The following ZNF420 variants were observed in gnomAD, a reference collection of about 807,000 sequenced individuals.
ZNF420 encodes the protein zinc finger protein 420.
ZNF420 carries 31 observed loss-of-function variants against 44.7 expected under a neutral mutation model. The ratio of observed to expected loss-of-function variants is 0.69; its 90% CI spans 0.52 to 0.94. ZNF420 has a LOEUF of 0.94. Among genes scored for constraint, ZNF420 ranks in the 40% least tolerant of loss-of-function variants. The pLI, the probability that ZNF420 is intolerant of heterozygous loss-of-function variation, is 0.00. For missense variants in ZNF420, 681 were observed against 827.9 expected (o/e 0.82, Z 2.18); for synonymous variants, 245 against 267.4 (o/e 0.92, Z 0.82).
chr19:37,049,408 C>G (rs1434539308), intron 1 of ZNF420, among the ~76,000 whole-genome samples: 3 of 152,200 alleles, frequency 2.0e-5, no homozygotes, highest in Admixed American at 6.5e-5. Context: ...GACCGCCATT[C>G]TAACTGGTGT....
chr19:37,112,942 A>G (rs544705499), intron 4 of ZNF420, among the ~76,000 whole-genome samples: 1 of 151,232 alleles, frequency 6.6e-6, no homozygotes, highest in South Asian at 2.1e-4. Context: ...GACTGCTTGT[A>G]TAGTACACAA....
intron 4 of ZNF420, chr19:37,109,918 A>G (rs191972206): frequency 6.6e-6 from 1 of 152,154 alleles, no homozygotes; most frequent in Non-Finnish European, 1.5e-5. Flanking sequence ...GAGGAGTGGT[A>G]CACTCCTTAC....
intron 1 of ZNF420, among the ~76,000 whole-genome samples, chr19:37,023,902 T>C (rs2074667017): frequency 1.3e-5 from 2 of 152,150 alleles, no homozygotes; most frequent in Admixed American, 1.3e-4. Context: ...CATATATACA[T>C]ATACATATAT....
At chr19:37,083,401 C>T (rs1216710276) in intron 2 of ZNF420, among the ~76,000 whole-genome samples, 1 of 151,966 alleles carries the variant, frequency 6.6e-6, no homozygotes, top group African/African-American at 2.4e-5. Context: ...GTCTTGGTTA[C>T]CTGAAGAATA....
chr19:37,011,013 A>G (rs1031514490), intron 1 of ZNF420, among the ~76,000 whole-genome samples: 41 of 152,166 alleles, frequency 2.7e-4, no homozygotes, highest in African/African-American at 9.9e-4. Flanking sequence ...CTCTCTGGAC[A>G]AGTCACCTGT....
chr19:37,060,036 G>A (rs1275659304), intron 1 of ZNF420, among the ~76,000 whole-genome samples: 4 of 152,046 alleles, frequency 2.6e-5, no homozygotes, highest in Admixed American at 2.0e-4. Flanking sequence ...CCTGGGTCAC[G>A]TGGCTGGTTG....
intron 1 of ZNF420, among the ~76,000 whole-genome samples, chr19:37,037,716 C>T (rs1967384076): frequency 6.6e-6 from 1 of 152,170 alleles, no homozygotes; most frequent in African/African-American, 2.4e-5. Flanking sequence ...CAATAGCATG[C>T]CTCAATAGCA....
At chr19:37,038,882 C>T (rs1381914968) in intron 1 of ZNF420, among the ~76,000 whole-genome samples, 2 of 151,778 alleles carry the variant, frequency 1.3e-5, no homozygotes, top group African/African-American at 4.8e-5. Flanking sequence ...GCTCCTCGGG[C>T]GTCTGAGGCA....
chr19:37,055,530 G>C (rs1324035418), intron 1 of ZNF420, among the ~76,000 whole-genome samples: 1 of 152,214 alleles, frequency 6.6e-6, no homozygotes. Context: ...TGCCACAGGA[G>C]CCCCCGTCCA....
At chr19:37,057,485 TC>T (rs1967780808) in intron 1 of ZNF420, among the ~76,000 whole-genome samples, 2 of 107,068 alleles carry the variant, frequency 1.9e-5, no homozygotes, top group Non-Finnish European at 4.0e-5. Flanking sequence ...TCACTCTCTG[TC>T]TGTTTCTCTC....
Position 37,130,300 on chromosome 19 carries a change from T to G in ZNF420, c.*1242T>G. On this transcript the variant is annotated 3_prime_UTR_variant, in exon 5 of 5. Coordinates refer to ENST00000337995, the MANE Select transcript of ZNF420 (RefSeq NM_144689.5). ...GCCTCCTGTTTCTCTTTAAATAAAA[T>G]TAAACATCTTATTTGTTGATGCTAT... The G allele has an allele frequency of 2.1e-6, 3 of 1,410,980 alleles. No individual in the cohort carries two copies. The highest frequency in any genetic ancestry group is 2.9e-5 in the African/African-American group (2 of 68,156). The allele number at this position is 1,410,980 out of a possible 1,614,324, so 87.4% of individuals were successfully genotyped here.
In ZNF420 at chr19:37,128,726, C is replaced by T. The variant is rs780951893; in HGVS notation, c.1735C>T (p.Arg579Ter). 3.1e-6 allele frequency: 5 copies of T among 1,606,964 alleles called. No homozygotes were observed. The highest frequency in any genetic ancestry group is 2.2e-5 in the East Asian group (1 of 44,554). ...TGGTTCACAGTTGACTCAACATCAGCGAATTCACACTGGAGAAAAACCCTA... is the reference window on the plus strand; with the variant it reads ...TGGTTCACAGTTGACTCAACATCAGTGAATTCACACTGGAGAAAAACCCTA... ...IRGSQLTQHQRIHTGEKPYEC... is the reference protein window; with the variant it reads ...IRGSQLTQHQ The change falls in exon 5 of 5, where the codon CGA becomes TGA. Residue 579 changes from arginine to a stop codon, truncating the protein, a stop_gained. Coordinates refer to ENST00000337995, the MANE Select transcript of ZNF420 (RefSeq NM_144689.5). LOFTEE classifies it high-confidence loss of function.
intron 1 of ZNF420, among the ~76,000 whole-genome samples, chr19:37,045,661 T>C (rs1447514949): frequency 6.6e-6 from 1 of 152,192 alleles, no homozygotes; most frequent in East Asian, 1.9e-4. Context: ...AAAGAAAAGA[T>C]CATTATAATG....
At chr19:37,092,845 A>G (rs997607309) in intron 4 of ZNF420, among the ~76,000 whole-genome samples, 10 of 152,212 alleles carry the variant, frequency 6.6e-5, no homozygotes, top group African/African-American at 2.4e-4. Flanking sequence ...GATATTCACA[A>G]TAGCCAAAAA....
At chr19:37,060,088 T>TCCACCACCTC (rs1967848653) in intron 1 of ZNF420, among the ~76,000 whole-genome samples, 1 of 152,142 alleles carries the variant, frequency 6.6e-6, no homozygotes, top group African/African-American at 2.4e-5. Flanking sequence ...TTTGAAGGCC[T>TCCACCACCTC]CCACCACCTC....
In ZNF420 at chr19:37,128,624, C is replaced by T. The variant is rs1213743372; in HGVS notation, c.1633C>T (p.Leu545=). 1.9e-6 allele frequency: 3 copies of T among 1,613,940 alleles called. No individual in the cohort carries two copies. In the Admixed American group the frequency reaches 5.0e-5, roughly 27 times the overall value. ...TGGAAAGGCCTTTGCGCGTGGCTTA[C>T]TACTTATACAACATCAGAGAATTCA... ...ECGKAFARGL[L]LIQHQRIHTG... Residue 545 remains leucine (L), a synonymous_variant, in exon 5 of 5, where the codon CTA becomes TTA. Transcript: ENST00000337995.
intron 4 of ZNF420, among the ~76,000 whole-genome samples, chr19:37,096,470 ATTTG>A (rs1191620273): frequency 6.6e-6 from 1 of 152,036 alleles, no homozygotes; most frequent in Non-Finnish European, 1.5e-5. Context: ...GGTTTGCTGG[ATTTG>A]TTTTTCTTTC....
At chr19:37,076,528 C>T (rs1968158202), upstream of ZNF420, among the ~76,000 whole-genome samples, 1 of 152,160 alleles carries the variant, frequency 6.6e-6, no homozygotes, top group South Asian at 2.1e-4. Context: ...TCCCCCTACC[C>T]CCACTCCCTG....
chr19:37,030,168 TTGTTGTTG>T (rs1967231547), intron 1 of ZNF420, among the ~76,000 whole-genome samples: 5 of 152,100 alleles, frequency 3.3e-5, no homozygotes, highest in Non-Finnish European at 7.4e-5. Flanking sequence ...GTTGTTGTTG[TTGTTGTTG>T]TTTGAGAGGG....
Sources: allele counts gnomAD v4.1 joint callset (sites outside exome capture counted in the v4.1 genomes callset), GRCh38; gene constraint gnomAD v4.1.1; transcripts MANE v1.5; gene names NCBI Gene and HGNC (gene_info 2026-07-23, HGNC 2026-07-21).